Variants in GSK3A observed in about 807,000 individuals in gnomAD.
GSK3A encodes glycogen synthase kinase-3 alpha.
Under a neutral mutation model 56.6 loss-of-function variants are expected in GSK3A, and 14 were observed. That is an observed-to-expected ratio of 0.25 (90% CI 0.16 to 0.39). The LOEUF is 0.39. Among genes scored for constraint, GSK3A ranks in the 10% least tolerant of loss-of-function variants. The pLI is 1.00. For missense variants in GSK3A, 450 were observed against 656.0 expected (o/e 0.69, Z 3.43); for synonymous variants, 301 against 285.0 (o/e 1.06, Z -0.56).
rs751035995 is a variant in GSK3A, at chr19:42,233,273, C to A, written c.1002+13G>T. On this transcript the variant is annotated intron_variant, in intron 7 of 10. Coordinates refer to ENST00000222330, the MANE Select transcript of GSK3A (RefSeq NM_019884.3). ...CAGCCCCACCCCCTGCCCAGCCCAG[C>A]CCCGCCCCTCACCTTGATGATCTCC... 1.3e-6 allele frequency: 2 copies of A among 1,550,220 alleles called. No individual in the cohort carries two copies. Among genetic ancestry groups the A allele is most frequent in the Non-Finnish European group, 1.8e-6 (2 of 1,134,118 alleles).
Position 42,240,029 on chromosome 19 carries a change from C to T in GSK3A, c.397G>A (p.Val133Met). The change falls in exon 2 of 11, where the codon GTG becomes ATG. Residue 133 changes from valine to methionine, a missense_variant. Physicochemically the swap from Val to Met is conservative, Grantham distance 21. Coordinates refer to ENST00000222330, the MANE Select transcript of GSK3A (RefSeq NM_019884.3). Reference protein sequence around the residue: ...KVIGNGSFGVVYQARLAETRE... With the variant: ...KVIGNGSFGVMYQARLAETRE... ...GTCTCTGCCAGCCGTGCCTGGTACACGACCCCAAATGAGCCATTGCCAATC... is the reference window on the plus strand; with the variant it reads ...GTCTCTGCCAGCCGTGCCTGGTACATGACCCCAAATGAGCCATTGCCAATC... 1 of 1,614,182 alleles carries T rather than the reference C, an allele frequency of 6.2e-7. No individual in the cohort carries two copies.
rs1358006444 is a variant in GSK3A, at chr19:42,242,571, C to G, written c.-106G>C. 1.1e-6 allele frequency: 1 copy of G among 911,776 alleles called. No homozygotes were observed. Among genetic ancestry groups the G allele is most frequent in the Non-Finnish European group, 1.4e-6 (1 of 733,158 alleles). The allele number at this position is 911,776 out of a possible 1,614,324, so 56.5% of individuals were successfully genotyped here. ...GGCCCTGGCCTCTTCCAGGCCGCGC[C>G]GCTCTGGCTTGGGCTCCGGCTCCGG... On this transcript the variant is annotated 5_prime_UTR_variant, in exon 1 of 11. Coordinates refer to ENST00000222330, the MANE Select transcript of GSK3A (RefSeq NM_019884.3).
In GSK3A at chr19:42,230,497, G is replaced by T. The variant is rs1599808269; in HGVS notation, c.*297C>A. ...TTACAAGGGACACAGGAGGGGAGGGGGTCTGGAGGAGGTGGAGGTCTGGGG... is the reference window on the plus strand; with the variant it reads ...TTACAAGGGACACAGGAGGGGAGGGTGTCTGGAGGAGGTGGAGGTCTGGGG... On this transcript the variant is annotated 3_prime_UTR_variant, in exon 11 of 11. Coordinates refer to ENST00000222330, the MANE Select transcript of GSK3A (RefSeq NM_019884.3). 1 of 471,388 alleles carries T rather than the reference G, an allele frequency of 2.1e-6. No homozygotes were observed. The highest frequency in any genetic ancestry group is 3.8e-6 in the Non-Finnish European group (1 of 260,664). The allele number at this position is 471,388 out of a possible 1,614,324, so 29.2% of individuals were successfully genotyped here. A position where few individuals can be genotyped will look rare whatever the true frequency, so the allele number is the denominator to read the frequency against.
At position 42,230,563 on chromosome 19, in the gene GSK3A, C is replaced by T; in HGVS notation, c.*231G>A. On this transcript the variant is annotated 3_prime_UTR_variant, in exon 11 of 11. Transcript: ENST00000222330. ...AGGGGGTAGGAGGTCCTCATCCCCC[C>T]AACACCCTGTCCTTCTCTTCCCTCC... The T allele has an allele frequency of 1.7e-6, 1 of 575,446 alleles. No homozygotes were observed. 35.6% of individuals were successfully genotyped at this position (575,446 alleles called of 1,614,324 possible).
chr19:42,232,807 A>G lies in GSK3A; in HGVS notation c.1099-125T>C. On this transcript the variant is annotated intron_variant, in intron 8 of 10. Coordinates refer to ENST00000222330, the MANE Select transcript of GSK3A (RefSeq NM_019884.3). ...TTGCTTCCCACACCCCCACCTTCCA[A>G]ATGAAGAAACTAAGGCCCAACCACT... 8 of 810,274 alleles carry G rather than the reference A, an allele frequency of 9.9e-6. No individual in the cohort carries two copies. The South Asian group carries it at 1.3e-4, about 14-fold the overall frequency. The allele number at this position is 810,274 out of a possible 1,614,324, so 50.2% of individuals were successfully genotyped here. A position where few individuals can be genotyped will look rare whatever the true frequency, so the allele number is the denominator to read the frequency against.
In GSK3A at chr19:42,242,575, C is replaced by A. The variant is rs867931332; in HGVS notation, c.-110G>T. On this transcript the variant is annotated 5_prime_UTR_variant, in exon 1 of 11. Coordinates refer to ENST00000222330, the MANE Select transcript of GSK3A (RefSeq NM_019884.3). ...CTGGCCTCTTCCAGGCCGCGCCGCT[C>A]TGGCTTGGGCTCCGGCTCCGGCCCA... 5.2e-5 allele frequency: 46 copies of A among 889,734 alleles called. No homozygotes were observed. In the African/African-American group the frequency reaches 7.0e-4, roughly 14 times the overall value. 55.1% of individuals were successfully genotyped at this position (889,734 alleles called of 1,614,324 possible).
chr19:42,232,565 G>A lies in GSK3A; in HGVS notation c.1216C>T (p.Leu406=), dbSNP rs2036231242. The change falls in exon 9 of 11, where the codon CTG becomes TTG. Residue 406 remains leucine, a synonymous_variant. Transcript: ENST00000222330. ...GGCAGCTGGGTTCCCAGACATCGCA[G>A]TTCATCAAAGAAGCTGTGCGCACAG... is the stretch of plus-strand genomic sequence containing the variant. ...EACAHSFFDE[L]RCLGTQLPNN... The A allele has an allele frequency of 6.2e-7, 1 of 1,614,142 alleles. No individual in the cohort carries two copies. The highest frequency in any genetic ancestry group is 8.5e-7 in the Non-Finnish European group (1 of 1,180,010).
In GSK3A at chr19:42,236,633, C is replaced by G. The variant is rs780627193; in HGVS notation, c.639G>C (p.Lys213Asn). 5.0e-6 allele frequency: 8 copies of G among 1,613,332 alleles called. No individual in the cohort carries two copies. In the Admixed American group the frequency reaches 1.3e-4, roughly 27 times the overall value. Reference protein sequence around the residue: ...YRVARHFTKAKLTIPILYVKV... With the variant: ...YRVARHFTKANLTIPILYVKV... ...TGACATAGAGGATAGGGATGGTCAACTTGGCCTTGGTGAAGTGGCGGGCCA... is the reference window on the plus strand; with the variant it reads ...TGACATAGAGGATAGGGATGGTCAAGTTGGCCTTGGTGAAGTGGCGGGCCA... The change falls in exon 4 of 11, where the codon AAG becomes AAC. Residue 213 changes from lysine (K) to asparagine (N), a missense_variant. Around this residue, in one of 3 missense-constraint regions of GSK3A, gnomAD observed 144 missense variants for 308.0 expected, o/e 0.47. Transcript: ENST00000222330.
At position 42,230,612 on chromosome 19, in the gene GSK3A, A is replaced by G; in HGVS notation, c.*182T>C. Reference sequence around the variant, plus strand: ...CCCCACAACCAGTTAAAATCCTCTTAAAAAGCCCACCACAGGGGTGAGGCT... The same window carrying G: ...CCCCACAACCAGTTAAAATCCTCTTGAAAAGCCCACCACAGGGGTGAGGCT... On this transcript the variant is annotated 3_prime_UTR_variant, in exon 11 of 11. Transcript: ENST00000222330. 1.6e-6 allele frequency: 1 copy of G among 607,360 alleles called. No individual in the cohort carries two copies. The highest frequency in any genetic ancestry group is 3.0e-6 in the Non-Finnish European group (1 of 336,434). The allele number at this position is 607,360 out of a possible 1,614,324, so 37.6% of individuals were successfully genotyped here. A position where few individuals can be genotyped will look rare whatever the true frequency, so the allele number is the denominator to read the frequency against.
Position 42,242,139 on chromosome 19 carries a change from G to T in GSK3A, c.283+44C>A, listed in dbSNP as rs371624493. 1,046 of 1,302,032 alleles carry T rather than the reference G, an allele frequency of 8.0e-4. 24 individuals carry two copies. In the South Asian group the frequency reaches 0.022, roughly 27 times the overall value. 80.7% of individuals were successfully genotyped at this position (1,302,032 alleles called of 1,614,324 possible). ...ATCTGATGGATGTCTGAGGAGCTTT[G>T]GGAACCCTAATCACCACCCTACACG... On this transcript the variant is annotated intron_variant, in intron 1 of 10. Coordinates refer to ENST00000222330, the MANE Select transcript of GSK3A (RefSeq NM_019884.3).
chr19:42,231,938 A>G, intron 10 of GSK3A, 119 bp downstream of exon 10: 1 of 610,654 alleles, frequency 1.6e-6, no homozygotes, highest in South Asian at 2.0e-5. Flanking sequence ...TGTGTTTCCT[A>G]TGCCATCAAA....
intron 2 of GSK3A, among the ~76,000 whole-genome samples, chr19:42,237,806 G>A (rs1379474068): frequency 6.6e-6 from 1 of 151,842 alleles, no homozygotes; most frequent in African/African-American, 2.4e-5. Flanking sequence ...GTGAACCCAG[G>A]AGGCGGAGCT....
chr19:42,237,616 G>A (rs1429432497), intron 2 of GSK3A, among the ~76,000 whole-genome samples: 1 of 150,618 alleles, frequency 6.6e-6, no homozygotes, highest in East Asian at 2.0e-4. Flanking sequence ...GGTGGCTCAC[G>A]CCTGTAATCC....
intron 10 of GSK3A, among the ~76,000 whole-genome samples, chr19:42,231,314 T>C (rs1308244516): frequency 6.6e-6 from 1 of 151,414 alleles, no homozygotes; most frequent in Non-Finnish European, 1.5e-5. Context: ...GAGCCGGGAT[T>C]GTGCCACTGC....
In GSK3A at chr19:42,233,317, C is replaced by T; in HGVS notation, c.971G>A (p.Ser324Asn). 6.3e-7 allele frequency: 1 copy of T among 1,591,740 alleles called. No homozygotes were observed. The highest frequency in any genetic ancestry group is 8.6e-7 in the Non-Finnish European group (1 of 1,167,928). The change falls in exon 7 of 11, where the codon AGT becomes AAT. Residue 324 changes from serine to asparagine, a missense_variant. Transcript: ENST00000222330. ...LLGQPIFPGD[S>N]GVDQLVEIIK... ...GATCTCCACCAGCTGGTCCACCCCA[C>T]TGTCCCCAGGGAAGATGGGCTGGCC... is the stretch of plus-strand genomic sequence containing the variant.
At chr19:42,237,505 AT>A (rs1247180646) in intron 2 of GSK3A, among the ~76,000 whole-genome samples, 3 of 151,464 alleles carry the variant, frequency 2.0e-5, no homozygotes, top group Non-Finnish European at 4.4e-5. Flanking sequence ...TTAAAAAAAA[AT>A]TTTTTTTCAA....
chr19:42,234,707 T>C lies in GSK3A; in HGVS notation c.667-29A>G. 6.6e-7 allele frequency: 1 copy of C among 1,524,510 alleles called. No individual in the cohort carries two copies. Among genetic ancestry groups the C allele is most frequent in the Non-Finnish European group, 8.8e-7 (1 of 1,130,226 alleles). 94.4% of individuals were successfully genotyped at this position (1,524,510 alleles called of 1,614,324 possible). A position where few individuals can be genotyped will look rare whatever the true frequency, so the allele number is the denominator to read the frequency against. On this transcript the variant is annotated intron_variant, in intron 4 of 10. Coordinates refer to ENST00000222330, the MANE Select transcript of GSK3A (RefSeq NM_019884.3). This position sits in a 1 kb window ranked among gnomAD's most constrained non-coding sequence, Gnocchi z 5.7. The stretch of plus-strand genomic sequence containing the variant: ...CGGCGGGCACAGGATAGCAGAACTT[T>C]AGCCCAGCTTTCCCCATACAGCACC...
At chr19:42,241,173 T>G (rs1420715243) in intron 1 of GSK3A, 3 of 152,030 alleles carry the variant, frequency 2.0e-5, no homozygotes, top group Admixed American at 6.6e-5. Flanking sequence ...TTTTTTATAT[T>G]TTTAGTAGAG....
intron 1 of GSK3A, chr19:42,241,901 C>T (rs959123796): frequency 2.4e-5 from 8 of 339,824 alleles, no homozygotes; most frequent in African/African-American, 1.3e-4. Context: ...CATCAGATAC[C>T]TGTTCTTAAG....
Sources: allele counts gnomAD v4.1 joint callset (sites outside exome capture counted in the v4.1 genomes callset), GRCh38; gene constraint gnomAD v4.1.1; regional missense constraint gnomAD v4.1.1; non-coding constraint Gnocchi (gnomAD v3.1); transcripts MANE v1.5; gene names NCBI Gene and HGNC (gene_info 2026-07-23, HGNC 2026-07-21).